BBS9: variants seen among roughly 807,000 people sequenced by gnomAD.
The protein encoded by BBS9 is Bardet-Biedl syndrome 9, also known as protein PTHB1.
Under a neutral mutation model 117.7 loss-of-function variants are expected in BBS9, and 89 were observed. That is an observed-to-expected ratio of 0.76 (90% CI 0.64 to 0.90). The LOEUF (loss-of-function observed/expected upper bound fraction) is 0.90. Ranked by LOEUF, BBS9 falls within the 40% of genes least tolerant of loss-of-function variation. BBS9 has a pLI of 0.00. For missense variants in BBS9, 982 were observed against 1,042.2 expected, an observed-to-expected ratio of 0.94 and a Z score of 0.80; for synonymous variants, 379 against 370.9, an observed-to-expected ratio of 1.02 and a Z score of -0.25.
At chr7:33,584,090 A>C (rs1860477128) in intron 21 of BBS9, among the ~76,000 whole-genome samples, 1 of 152,070 alleles carries the variant, frequency 6.6e-6, no homozygotes, top group African/African-American at 2.4e-5. Flanking sequence ...GTTACTTTGA[A>C]TATAATAACC....
At chr7:33,530,541 G>T (rs1850417787) in intron 20 of BBS9, among the ~76,000 whole-genome samples, 3 of 152,076 alleles carry the variant, frequency 2.0e-5, no homozygotes, top group African/African-American at 7.2e-5. Context: ...AGAGGTCTTT[G>T]TCAATGGCTC....
chr7:33,447,303 A>G (rs1837134363), intron 19 of BBS9, among the ~76,000 whole-genome samples: 1 of 152,204 alleles, frequency 6.6e-6, no homozygotes, highest in African/African-American at 2.4e-5. Flanking sequence ...CGGGGAAGCA[A>G]TCATAGTGGG....
At chr7:33,188,630 A>C (rs1783552720) in intron 5 of BBS9, among the ~76,000 whole-genome samples, 1 of 152,198 alleles carries the variant, frequency 6.6e-6, no homozygotes, top group Non-Finnish European at 1.5e-5. Context: ...GAGGGAAGGG[A>C]GAGATTCCAA....
intron 21 of BBS9, among the ~76,000 whole-genome samples, chr7:33,634,734 T>A (rs542385665): frequency 6.6e-6 from 1 of 152,302 alleles, no homozygotes; most frequent in East Asian, 1.9e-4. Flanking sequence ...TGTGTAAGCA[T>A]GCAGTGTGTA....
intron 21 of BBS9, among the ~76,000 whole-genome samples, chr7:33,541,014 C>T (rs78006657): frequency 0.023 from 3,498 of 152,266 alleles, 90 homozygotes; most frequent in East Asian, 0.12. Context: ...TTTGGCTTCT[C>T]ATTCTCTCAT....
At chr7:33,633,983 T>C (rs985270235) in intron 21 of BBS9, among the ~76,000 whole-genome samples, 3 of 152,216 alleles carry the variant, frequency 2.0e-5, no homozygotes, top group African/African-American at 7.2e-5. Context: ...AATTCAGATC[T>C]GAGACCTAAG....
intron 21 of BBS9, among the ~76,000 whole-genome samples, chr7:33,599,208 T>A (rs1158661606): frequency 6.6e-6 from 1 of 152,122 alleles, no homozygotes; most frequent in Non-Finnish European, 1.5e-5. Context: ...AGGAGAGATA[T>A]TAGGCAGGGC....
intron 21 of BBS9, among the ~76,000 whole-genome samples, chr7:33,612,994 T>C (rs1194406234): frequency 6.6e-6 from 1 of 152,016 alleles, no homozygotes; most frequent in Non-Finnish European, 1.5e-5. Context: ...AATTAAGTTG[T>C]TTTCAGACAT....
At position 33,156,481 on chromosome 7, in the gene BBS9, T is replaced by C. The variant is rs114265488; in HGVS notation, c.328+779T>C. Among the ~76,000 whole-genome samples the C allele has an allele frequency of 5.7e-3, 869 of 152,322 alleles. 6 individuals are homozygous for C. The highest frequency in any genetic ancestry group is 0.019 in the African/African-American group (809 of 41,570). The stretch of plus-strand genomic sequence containing the variant: ...TAAATGTTACCTTCTAGGATTTGGA[T>C]TTCTCAGACTTATTCTCTTCATTTG... On this transcript the variant is annotated intron_variant, in intron 4 of 22. Transcript: ENST00000242067.
Position 33,311,699 on chromosome 7 carries a change from C to T in BBS9, c.1017-24742C>T, listed in dbSNP as rs888946898. Among the ~76,000 whole-genome samples the T allele has an allele frequency of 3.3e-5, 5 of 152,078 alleles. No individual in the cohort carries two copies. The East Asian group carries it at 9.7e-4, about 29-fold the overall frequency. Reference sequence around the variant, plus strand: ...GGGTGTGGTGGCATGTGCCTGTAATCCCAGCTACTTGGGAGGTTGAGACAG... The same window carrying T: ...GGGTGTGGTGGCATGTGCCTGTAATTCCAGCTACTTGGGAGGTTGAGACAG... On this transcript the variant is annotated intron_variant, in intron 9 of 22. Coordinates refer to ENST00000242067, the MANE Select transcript of BBS9 (RefSeq NM_198428.3).
intron 9 of BBS9, among the ~76,000 whole-genome samples, chr7:33,283,090 A>G (rs1213698701): frequency 6.6e-6 from 1 of 152,082 alleles, no homozygotes; most frequent in African/African-American, 2.4e-5. Context: ...TAGTTCTTTT[A>G]CTATTCCTGA....
At chr7:33,617,605 G>C (rs1359999184) in intron 21 of BBS9, among the ~76,000 whole-genome samples, 1 of 151,978 alleles carries the variant, frequency 6.6e-6, no homozygotes, top group African/African-American at 2.4e-5. Flanking sequence ...TCATCTTAAA[G>C]AAGCTCAGTG....
intron 4 of BBS9, among the ~76,000 whole-genome samples, chr7:33,170,337 G>A (rs1344854950): frequency 2.7e-5 from 4 of 147,178 alleles, no homozygotes; most frequent in South Asian, 2.3e-4. Context: ...TATAAACAGA[G>A]CCAAAGACAA....
chr7:33,511,079 C>G (rs954005686), intron 20 of BBS9, among the ~76,000 whole-genome samples: 1 of 152,080 alleles, frequency 6.6e-6, no homozygotes, highest in African/African-American at 2.4e-5. Flanking sequence ...CCTATTCCCC[C>G]ATGTGGCCTT....
chr7:33,144,388 C>A (rs78907453), intron 1 of BBS9, among the ~76,000 whole-genome samples: 24,029 of 152,194 alleles, frequency 0.16, 2,072 homozygotes, highest in South Asian at 0.21. Context: ...AATTTGCCTA[C>A]TTGCTAAAAT....
chr7:33,268,682 T>C (rs1321813588), intron 7 of BBS9, among the ~76,000 whole-genome samples: 1 of 152,212 alleles, frequency 6.6e-6, no homozygotes, highest in Non-Finnish European at 1.5e-5. Context: ...CTGTGTTTTA[T>C]GAGACTCATT....
At chr7:33,591,401 A>T (rs772738398) in intron 21 of BBS9, among the ~76,000 whole-genome samples, 1 of 152,040 alleles carries the variant, frequency 6.6e-6, no homozygotes, top group East Asian at 1.9e-4. Context: ...TAAAATTTCT[A>T]TGTCTTTAGA....
At chr7:33,293,826 GTTC>G (rs1804596501) in intron 9 of BBS9, among the ~76,000 whole-genome samples, 1 of 151,516 alleles carries the variant, frequency 6.6e-6, no homozygotes, top group Non-Finnish European at 1.5e-5. Context: ...ATCTTTTTTT[GTTC>G]TTCATTATAT....
At chr7:33,388,706 C>G (rs1826491903) in intron 19 of BBS9, among the ~76,000 whole-genome samples, 1 of 152,158 alleles carries the variant, frequency 6.6e-6, no homozygotes, top group African/African-American at 2.4e-5. Context: ...GGCTGTCACT[C>G]TTAAGGCACT....
Sources: gnomAD v4.1 joint callset for allele counts (sites outside exome capture counted in the v4.1 genomes callset) on GRCh38, gnomAD v4.1.1 for gene constraint, MANE v1.5 for transcripts, NCBI Gene and HGNC (gene_info 2026-07-23, HGNC 2026-07-21) for gene names.